The following GSG1 variants were observed in gnomAD, a reference collection of about 807,000 sequenced individuals.
The protein encoded by GSG1 is germ cell-specific gene 1 protein.
GSG1 carries 28 observed loss-of-function variants against 30.8 expected under a neutral mutation model. The ratio of observed to expected loss-of-function variants is 0.91; its 90% CI spans 0.67 to 1.25. The LOEUF (loss-of-function observed/expected upper bound fraction) is 1.25. GSG1 is among the 50% of genes most tolerant of loss of function. GSG1 has a pLI of 0.00. For synonymous variants in GSG1, 162 were observed against 178.0 expected, an observed-to-expected ratio of 0.91 and a Z score of 0.71; for missense variants, 435 against 444.7, an observed-to-expected ratio of 0.98 and a Z score of 0.20.
At chr12:13,088,118 C>G (rs1013016904) in intron 4 of GSG1, 59 bp from the exon 5 acceptor site, 33 of 1,593,784 alleles carry the variant, frequency 2.1e-5, no homozygotes, top group Non-Finnish European at 2.6e-5. Context: ...ACTGAATAAG[C>G]GGTGAGCATA....
At position 13,089,235 on chromosome 12, in the gene GSG1, G is replaced by A. The variant is rs1023413065; in HGVS notation, c.406C>T (p.Arg136Trp). ...TTTGCTGCCGCTGTACCACTGGACCGAAGGGCTCTAAATTGTTTCCAGGAC... is the reference window on the plus strand; with the variant it reads ...TTTGCTGCCGCTGTACCACTGGACCAAAGGGCTCTAAATTGTTTCCAGGAC... ...PQSWKQFRAL[R>W]SSGTAAAKGE... The change falls in exon 3 of 7, where the codon CGG (arginine) becomes TGG (tryptophan). Residue 136 changes from arginine to tryptophan, a missense_variant. Coordinates refer to ENST00000651961, the MANE Select transcript of GSG1 (RefSeq NM_001080555.4). The A allele has an allele frequency of 6.4e-6, 10 of 1,558,818 alleles. No homozygotes were observed. The highest frequency in any genetic ancestry group is 4.7e-5 in the South Asian group (4 of 84,370).
At chr12:13,097,108 A>G (rs1866724044) in intron 1 of GSG1, among the ~76,000 whole-genome samples, 1 of 151,966 alleles carries the variant, frequency 6.6e-6, no homozygotes, top group Admixed American at 6.6e-5. Flanking sequence ...AAAAGTGCAA[A>G]TTAATTGGGA....
At chr12:13,099,764 T>TTTTTTTTTTTTTC (rs1863055863) in intron 1 of GSG1, among the ~76,000 whole-genome samples, 1 of 146,744 alleles carries the variant, frequency 6.8e-6, no homozygotes, top group Admixed American at 6.7e-5. Context: ...TTTTTTTTTT[T>TTTTTTTTTTTTTC]TTTTGTTTTT....
chr12:13,088,166 A>G, intron 4 of GSG1, 107 bp from the exon 5 acceptor site: 1 of 1,214,002 alleles, frequency 8.2e-7, no homozygotes, highest in Non-Finnish European at 1.2e-6. Flanking sequence ...GCAGCATCTG[A>G]GAAGGGGAGA....
In GSG1 at chr12:13,084,803, A is replaced by T; in HGVS notation, c.*98T>A. ...CATAGCCTTATTCGTAGCCTCTAAA[A>T]ACCATGCTCAAGAGACGGATGTTGG... On this transcript the variant is annotated 3_prime_UTR_variant, in exon 7 of 7. Coordinates refer to ENST00000651961, the MANE Select transcript of GSG1 (RefSeq NM_001080555.4). 1.2e-6 allele frequency: 1 copy of T among 801,586 alleles called. No homozygotes were observed. The highest frequency in any genetic ancestry group is 2.0e-6 in the Non-Finnish European group (1 of 506,876). The allele number at this position is 801,586 out of a possible 1,614,324, so 49.7% of individuals were successfully genotyped here. A position where few individuals can be genotyped will look rare whatever the true frequency, so the allele number is the denominator to read the frequency against.
At chr12:13,095,609 G>A in intron 1 of GSG1, 1 of 1,614,172 alleles carries the variant, frequency 6.2e-7, no homozygotes, top group Non-Finnish European at 8.5e-7. Flanking sequence ...CTTGGCCATG[G>A]TCAGCGTCTT....
chr12:13,103,640 G>A lies in GSG1; in HGVS notation c.-128C>T, dbSNP rs1405942315. The A allele has an allele frequency of 3.0e-6, 3 of 991,658 alleles. No individual in the cohort carries two copies. The highest frequency in any genetic ancestry group is 1.8e-5 in the Admixed American group (1 of 54,210). The allele number at this position is 991,658 out of a possible 1,614,324, so 61.4% of individuals were successfully genotyped here. On this transcript the variant is annotated 5_prime_UTR_variant, in exon 1 of 7. Transcript: ENST00000651961. The stretch of plus-strand genomic sequence containing the variant: ...CTCTTGCCAGCAGAGGGGTAAGGTG[G>A]TGTGTGGTGGATTGGAGAGGATGTC...
In GSG1 at chr12:13,084,933, C is replaced by A. The variant is rs1309504641; in HGVS notation, c.1057G>T (p.Val353Phe). The change falls in exon 7 of 7, where the codon GTT (valine) becomes TTT (phenylalanine). Residue 353 changes from valine (V) to phenylalanine (F), a missense_variant. Coordinates refer to ENST00000651961, the MANE Select transcript of GSG1 (RefSeq NM_001080555.4). ...TGCTCTTCCTCTACAGATGACCTAA[C>A]TGCTTCTTTCAGCTCCTGGCTGGCC... Reference protein sequence around the residue: ...RGASQELKEAVRSSVEEEQC With the variant: ...RGASQELKEAFRSSVEEEQC 6.4e-7 allele frequency: 1 copy of A among 1,551,512 alleles called. No individual in the cohort carries two copies. The highest frequency in any genetic ancestry group is 8.7e-7 in the Non-Finnish European group (1 of 1,146,840).
At chr12:13,090,925 A>G (rs938088372) in intron 1 of GSG1, 107 bp from the exon 2 acceptor site, 5 of 935,294 alleles carry the variant, frequency 5.3e-6, no homozygotes, top group Non-Finnish European at 8.0e-6. Context: ...CTCAAGCCAT[A>G]CTCCTCCAAG....
intron 1 of GSG1, chr12:13,095,571 T>C (rs1386675294): frequency 1.2e-6 from 2 of 1,608,288 alleles, no homozygotes; most frequent in Non-Finnish European, 1.7e-6. Flanking sequence ...ACTGCATCCT[T>C]TGAGCAATAG....
intron 4 of GSG1, 68 bp downstream of exon 4, chr12:13,088,794 C>A: frequency 6.2e-7 from 1 of 1,614,138 alleles, no homozygotes; most frequent in Non-Finnish European, 8.5e-7. Context: ...TCAACCGCTT[C>A]CCTCCAAATC....
rs1201880620 is a variant in GSG1 at position 13,093,367 on chromosome 12, C to T, written c.49-2549G>A. Among the ~76,000 whole-genome samples the T allele has an allele frequency of 6.6e-6, 1 of 152,050 alleles. No homozygotes were observed. Among genetic ancestry groups the T allele is most frequent in the African/African-American group, 2.4e-5 (1 of 41,364 alleles). The stretch of plus-strand genomic sequence containing the variant: ...AAAGTGAGCTATTGGTGTCCTTTTC[C>T]CTGCATTACAGATTCCTCTGAAAGG... On this transcript the variant is annotated intron_variant, in intron 1 of 6. Transcript: ENST00000651961. The surrounding 1 kb of genome is among the most constrained non-coding windows in gnomAD (Gnocchi z 4.6).
rs575296973 is a variant in GSG1, at chr12:13,095,048, A to G, written c.49-4230T>C. ...ACTGAAGCTCAAAGAGGTTCCTTCC[A>G]GAAGGAGTGTCCACCAGGGAGAGAC... On this transcript the variant is annotated intron_variant, in intron 1 of 6. Coordinates refer to ENST00000651961, the MANE Select transcript of GSG1 (RefSeq NM_001080555.4). Among the ~76,000 whole-genome samples, 112 of 152,356 alleles carry G rather than the reference A, an allele frequency of 7.4e-4. 1 individual carries two copies. Among genetic ancestry groups the G allele is most frequent in the African/African-American group, 2.6e-3 (110 of 41,590 alleles).
At position 13,087,239 on chromosome 12, in the gene GSG1, A is replaced by T; in HGVS notation, c.659T>A (p.Met220Lys). 6.2e-7 allele frequency: 1 copy of T among 1,613,954 alleles called. No individual in the cohort carries two copies. Among genetic ancestry groups the T allele is most frequent in the Non-Finnish European group, 8.5e-7 (1 of 1,179,848 alleles). The change falls in exon 6 of 7, where the codon ATG (methionine) becomes AAG (lysine). Residue 220 changes from methionine (M) to lysine (K), a missense_variant. Physicochemically the swap from Met to Lys is moderately conservative, Grantham distance 95. Transcript: ENST00000651961. Reference protein sequence around the residue: ...LSGLLGMVAHMMYSQVFQATV... With the variant: ...LSGLLGMVAHKMYSQVFQATV... ...CGCTTGGAAGACTTGTGAATACATC[A>T]TGTGGGCCACCATCCCCAGGAGACC...
At chr12:13,103,348 T>G (rs1382537958) in intron 1 of GSG1, 117 bp downstream of exon 1, 1 of 821,636 alleles carries the variant, frequency 1.2e-6, no homozygotes, top group African/African-American at 1.7e-5. Flanking sequence ...TCCAAGCTCT[T>G]TACTGTGACC....
intron 4 of GSG1, 109 bp downstream of exon 4, chr12:13,088,753 A>G (rs1195861835): frequency 6.2e-7 from 1 of 1,613,450 alleles, no homozygotes; most frequent in Non-Finnish European, 8.5e-7. Context: ...ACAAAGCCCC[A>G]AGGGAGGGGA....
At chr12:13,099,079 T>C (rs756983648) in intron 1 of GSG1, among the ~76,000 whole-genome samples, 1 of 152,218 alleles carries the variant, frequency 6.6e-6, no homozygotes, top group Non-Finnish European at 1.5e-5. Flanking sequence ...GTGTGTGTAC[T>C]TGGCTGCCTG....
chr12:13,096,413 G>A (rs1866663314), intron 1 of GSG1, among the ~76,000 whole-genome samples: 1 of 149,940 alleles, frequency 6.7e-6, no homozygotes, highest in African/African-American at 2.5e-5. Context: ...GGCAGAGCTT[G>A]CAGTGAGCCG....
At position 13,093,373 on chromosome 12, in the gene GSG1, T is replaced by TTACAGATTCCTCTGAAA. The variant is rs1347549941; in HGVS notation, c.49-2572_49-2556dup. Among the ~76,000 whole-genome samples the TTACAGATTCCTCTGAAA allele has an allele frequency of 6.6e-6, 1 of 152,182 alleles. No individual in the cohort carries two copies. The highest frequency in any genetic ancestry group is 2.4e-5 in the African/African-American group (1 of 41,436). On this transcript the variant is annotated intron_variant, in intron 1 of 6. Transcript: ENST00000651961. This position sits in a 1 kb window ranked among gnomAD's most constrained non-coding sequence, Gnocchi z 4.6. ...AGCTATTGGTGTCCTTTTCCCTGCATTACAGATTCCTCTGAAAGGAGTCAT... is the reference window on the plus strand; with the variant it reads ...AGCTATTGGTGTCCTTTTCCCTGCATTACAGATTCCTCTGAAATACAGATTCCTCTGAAAGGAGTCAT...
Sources: allele counts gnomAD v4.1 joint callset (sites outside exome capture counted in the v4.1 genomes callset), GRCh38; gene constraint gnomAD v4.1.1; non-coding constraint Gnocchi (gnomAD v3.1); transcripts MANE v1.5; gene names NCBI Gene and HGNC (gene_info 2026-07-23, HGNC 2026-07-21).